Variants in PDLIM5 observed in about 807,000 individuals in gnomAD.
The protein encoded by PDLIM5 is PDZ and LIM domain 5, also known as PDZ and LIM domain protein 5.
PDLIM5 carries 34 observed loss-of-function variants against 64.2 expected under a neutral mutation model. The ratio of observed to expected loss-of-function variants is 0.53; its 90% CI spans 0.40 to 0.71. PDLIM5 has a LOEUF of 0.71. Ranked by LOEUF, PDLIM5 falls within the 30% of genes least tolerant of loss-of-function variation. The probability of loss-of-function intolerance (pLI) is 0.00; values close to 1 mark genes in which losing one functional copy is unlikely to be tolerated. For synonymous variants in PDLIM5, 253 were observed against 269.1 expected (o/e 0.94, Z 0.59); for missense variants, 683 against 733.6 (o/e 0.93, Z 0.80).
chr4:94,544,221 G>C (rs766895135), intron 3 of PDLIM5, among the ~76,000 whole-genome samples: 1 of 151,942 alleles, frequency 6.6e-6, no homozygotes, highest in Non-Finnish European at 1.5e-5. Flanking sequence ...TGGATTTAGG[G>C]TCTACCTGAG....
At chr4:94,487,391 TATC>T (rs1415666432) in intron 2 of PDLIM5, among the ~76,000 whole-genome samples, 1 of 152,200 alleles carries the variant, frequency 6.6e-6, no homozygotes, top group African/African-American at 2.4e-5. Context: ...GAGTGTAAGA[TATC>T]ATCAAGAATC....
chr4:94,656,406 G>C (rs1269947654), intron 10 of PDLIM5, among the ~76,000 whole-genome samples: 1 of 151,784 alleles, frequency 6.6e-6, no homozygotes, highest in Non-Finnish European at 1.5e-5. Flanking sequence ...TTATAACTTG[G>C]TATGTTTAAC....
intron 12 of PDLIM5, 38 bp from the exon 13 acceptor site, chr4:94,663,940 T>C: frequency 1.3e-6 from 2 of 1,584,272 alleles, no homozygotes; most frequent in African/African-American, 1.4e-5. Context: ...CTTAATATCC[T>C]CTTAAATAAT....
At chr4:94,542,344 T>C (rs1731895155) in intron 3 of PDLIM5, among the ~76,000 whole-genome samples, 1 of 138,702 alleles carries the variant, frequency 7.2e-6, no homozygotes, top group African/African-American at 3.0e-5. Flanking sequence ...AGTAAGTAAG[T>C]AAGTAAGTGG....
At chr4:94,638,317 A>G (rs1740734322) in intron 8 of PDLIM5, among the ~76,000 whole-genome samples, 1 of 152,164 alleles carries the variant, frequency 6.6e-6, no homozygotes, top group African/African-American at 2.4e-5. Context: ...TGTAAGAGAA[A>G]AGTGTGGGTC....
At chr4:94,614,663 A>G (rs748179681) in intron 7 of PDLIM5, among the ~76,000 whole-genome samples, 1 of 152,210 alleles carries the variant, frequency 6.6e-6, no homozygotes, top group African/African-American at 2.4e-5. Flanking sequence ...TTAGATTTCT[A>G]TGAATTCTTT....
intron 2 of PDLIM5, among the ~76,000 whole-genome samples, chr4:94,520,302 G>A (rs942966514): frequency 3.3e-5 from 5 of 152,154 alleles, no homozygotes; most frequent in Non-Finnish European, 5.9e-5. Flanking sequence ...TGCTGAGCTC[G>A]ACCCAGGAGC....
At chr4:94,564,800 T>C (rs1456704402) in intron 3 of PDLIM5, among the ~76,000 whole-genome samples, 1 of 151,584 alleles carries the variant, frequency 6.6e-6, no homozygotes, top group Non-Finnish European at 1.5e-5. Flanking sequence ...GGACTACAGG[T>C]GAGTGCCACC....
Position 94,664,070 on chromosome 4 carries a change from G to T in PDLIM5, c.*3G>T. 1 of 1,593,780 alleles carries T rather than the reference G, an allele frequency of 6.3e-7. No individual in the cohort carries two copies. The highest frequency in any genetic ancestry group is 8.6e-7 in the Non-Finnish European group (1 of 1,166,662). On this transcript the variant is annotated 3_prime_UTR_variant, in exon 13 of 13. Transcript: ENST00000317968. ...ATGCTCATTCTGTGAATTTTTGAAA[G>T]TCAACAGTTCAGGAGAAGAGAAGGA...
intron 2 of PDLIM5, among the ~76,000 whole-genome samples, chr4:94,488,686 A>G (rs1726573528): frequency 6.6e-6 from 1 of 152,224 alleles, no homozygotes; most frequent in Non-Finnish European, 1.5e-5. Flanking sequence ...TTAAAATAGA[A>G]CACTTACACA....
chr4:94,573,142 A>G (rs1010518624), intron 3 of PDLIM5, among the ~76,000 whole-genome samples: 1 of 152,180 alleles, frequency 6.6e-6, no homozygotes, highest in Non-Finnish European at 1.5e-5. Context: ...TTGAATACCT[A>G]GTGTGTAAAA....
At chr4:94,607,202 AT>A (rs1737999519) in intron 7 of PDLIM5, among the ~76,000 whole-genome samples, 2 of 151,988 alleles carry the variant, frequency 1.3e-5, no homozygotes, top group South Asian at 4.2e-4. Context: ...CTCCTTTCCT[AT>A]TTTTTAATCC....
chr4:94,586,401 A>G lies in PDLIM5; in HGVS notation c.884-7A>G. On this transcript the variant is annotated splice_polypyrimidine_tract_variant and splice_region_variant and intron_variant, in intron 6 of 12. Coordinates refer to ENST00000317968, the MANE Select transcript of PDLIM5 (RefSeq NM_006457.5). ...ACTAATATTGGATATTGCTTATTAT[A>G]TTTCAGTGAAAGAATCTGAAGCCGA... 1 of 1,460,442 alleles carries G rather than the reference A, an allele frequency of 6.8e-7. No homozygotes were observed. The highest frequency in any genetic ancestry group is 9.6e-7 in the Non-Finnish European group (1 of 1,045,396). The allele number at this position is 1,460,442 out of a possible 1,614,324, so 90.5% of individuals were successfully genotyped here.
At chr4:94,644,445 A>G (rs1315405389) in intron 9 of PDLIM5, among the ~76,000 whole-genome samples, 3 of 152,202 alleles carry the variant, frequency 2.0e-5, no homozygotes, top group African/African-American at 4.8e-5. Context: ...ATGTAAAGAA[A>G]CTATACACCA....
chr4:94,588,016 C>A, intron 7 of PDLIM5: 1 of 950,422 alleles, frequency 1.1e-6, no homozygotes, highest in Non-Finnish European at 1.3e-6. Flanking sequence ...AAATATATGA[C>A]CAGAAATGCT....
intron 2 of PDLIM5, among the ~76,000 whole-genome samples, chr4:94,465,966 T>C (rs751128482): frequency 3.6e-4 from 54 of 151,990 alleles, no homozygotes; most frequent in African/African-American, 7.7e-4. Flanking sequence ...CTTTTTTTTT[T>C]CCCCTTTGTT....
intron 2 of PDLIM5, among the ~76,000 whole-genome samples, chr4:94,468,035 T>A (rs919747481): frequency 1.1e-4 from 17 of 152,252 alleles, no homozygotes; most frequent in African/African-American, 3.9e-4. Flanking sequence ...CTCAGATATG[T>A]TAAGACCAAT....
chr4:94,639,045 G>A (rs1435781067), intron 8 of PDLIM5, among the ~76,000 whole-genome samples: 1 of 152,168 alleles, frequency 6.6e-6, no homozygotes, highest in African/African-American at 2.4e-5. Context: ...ATGTAATTCA[G>A]GGAGAGTTTT....
intron 1 of PDLIM5, among the ~76,000 whole-genome samples, 174 bp from the exon 2 acceptor site, chr4:94,455,073 T>C (rs1030479404): frequency 6.6e-6 from 1 of 152,254 alleles, no homozygotes; most frequent in African/African-American, 2.4e-5. Context: ...GCCATGAGTG[T>C]AGAAAATTTA....
Sources: gnomAD v4.1 joint callset for allele counts (sites outside exome capture counted in the v4.1 genomes callset) on GRCh38, gnomAD v4.1.1 for gene constraint, MANE v1.5 for transcripts, NCBI Gene and HGNC (gene_info 2026-07-23, HGNC 2026-07-21) for gene names.